The following NDST3 variants were observed in gnomAD, a reference collection of about 807,000 sequenced individuals.
The protein encoded by NDST3 is N-deacetylase and N-sulfotransferase 3.
A neutral mutation model predicts 96.1 loss-of-function variants in NDST3; 58 were observed. The observed-to-expected ratio is 0.60, with a 90% CI of 0.49 to 0.75. The LOEUF (loss-of-function observed/expected upper bound fraction) is 0.75, where lower values mean the gene tolerates loss of function less well. Among genes scored for constraint, NDST3 ranks in the 30% least tolerant of loss-of-function variants. The probability of loss-of-function intolerance (pLI) is 0.00; values close to 1 mark genes in which losing one functional copy is unlikely to be tolerated. For synonymous variants in NDST3, 333 were observed against 359.7 expected (o/e 0.93, Z 0.84); for missense variants, 788 against 1,034.2 (o/e 0.76, Z 3.27).
At position 118,224,756 on chromosome 4, in the gene NDST3, G is replaced by C. The variant is rs547775890; in HGVS notation, c.1722+83G>C. 27 of 1,262,404 alleles carry C rather than the reference G, an allele frequency of 2.1e-5. No individual in the cohort carries two copies. The Admixed American group carries it at 3.3e-4, about 15-fold the overall frequency. The allele number at this position is 1,262,404 out of a possible 1,614,324, so 78.2% of individuals were successfully genotyped here. On this transcript the variant is annotated intron_variant, in intron 7 of 13. Coordinates refer to ENST00000296499, the MANE Select transcript of NDST3 (RefSeq NM_004784.3). The stretch of plus-strand genomic sequence containing the variant: ...GATATCCCAAATTTGAAAAGTGAAG[G>C]CACCTGAAAAAACCTGCATTTTGGA...
intron 6 of NDST3, among the ~76,000 whole-genome samples, chr4:118,190,637 C>T (rs1221303400): frequency 6.6e-6 from 1 of 152,110 alleles, no homozygotes; most frequent in African/African-American, 2.4e-5. Flanking sequence ...GAAGACTATA[C>T]CTGGAGAATC....
chr4:118,189,154 A>C (rs1200754797), intron 6 of NDST3, among the ~76,000 whole-genome samples: 1 of 151,976 alleles, frequency 6.6e-6, no homozygotes, highest in African/African-American at 2.4e-5. Context: ...GGCTCAAGTG[A>C]CCCTCCCACC....
chr4:118,186,192 G>A (rs1004460662), intron 6 of NDST3, among the ~76,000 whole-genome samples: 1 of 152,100 alleles, frequency 6.6e-6, no homozygotes, highest in Non-Finnish European at 1.5e-5. Flanking sequence ...TTTAGCATGA[G>A]TGACTCCATT....
intron 6 of NDST3, among the ~76,000 whole-genome samples, chr4:118,211,456 A>T (rs1286001225): frequency 6.6e-6 from 1 of 152,012 alleles, no homozygotes. Context: ...AATGAAATAA[A>T]AAGATTTTTA....
chr4:118,193,684 C>G (rs1159471587), intron 6 of NDST3: 2 of 1,328,562 alleles, frequency 1.5e-6, no homozygotes. Context: ...CAAAGTCATT[C>G]ACAGCCAGGT....
chr4:118,213,075 C>T (rs894744176), intron 6 of NDST3, among the ~76,000 whole-genome samples: 2 of 152,142 alleles, frequency 1.3e-5, no homozygotes, highest in African/African-American at 4.8e-5. Flanking sequence ...TTTTCATCTG[C>T]AGTTCATTAT....
chr4:118,221,992 T>C (rs1478956408), intron 6 of NDST3, among the ~76,000 whole-genome samples: 2 of 141,972 alleles, frequency 1.4e-5, no homozygotes, highest in African/African-American at 5.2e-5. Context: ...ATTTTCCATC[T>C]AAAAAAAAAA....
chr4:118,118,604 G>T (rs978573163), intron 4 of NDST3, among the ~76,000 whole-genome samples: 1 of 152,042 alleles, frequency 6.6e-6, no homozygotes, highest in East Asian at 1.9e-4. Flanking sequence ...TATTATGAAA[G>T]GTCAAGTAAA....
In NDST3 at chr4:118,071,049, T is replaced by A. The variant is rs946760827; in HGVS notation, c.981+16158T>A. 2.6e-5 allele frequency among the ~76,000 whole-genome samples: 4 copies of A among 152,186 alleles called. No homozygotes were observed. In the East Asian group the frequency reaches 7.7e-4, roughly 29 times the overall value. On this transcript the variant is annotated intron_variant, in intron 2 of 13. Coordinates refer to ENST00000296499, the MANE Select transcript of NDST3 (RefSeq NM_004784.3). ...TTCATCCATGTCCCTAGAAAGGACATGAACTTATCCTTTTTTATGGCTGCA... is the reference window on the plus strand; with the variant it reads ...TTCATCCATGTCCCTAGAAAGGACAAGAACTTATCCTTTTTTATGGCTGCA...
At chr4:118,154,225 T>C (rs1030340633) in intron 6 of NDST3, among the ~76,000 whole-genome samples, 1 of 152,204 alleles carries the variant, frequency 6.6e-6, no homozygotes, top group African/African-American at 2.4e-5. Flanking sequence ...AATTGTTCTG[T>C]ATCTGTAAGT....
At chr4:118,052,484 C>T (rs1328357615) in intron 1 of NDST3, among the ~76,000 whole-genome samples, 1 of 151,922 alleles carries the variant, frequency 6.6e-6, no homozygotes, top group Non-Finnish European at 1.5e-5. Flanking sequence ...ATGTCAGCAT[C>T]CCACAGTATC....
intron 2 of NDST3, among the ~76,000 whole-genome samples, chr4:118,073,603 T>C (rs940077248): frequency 9.9e-5 from 15 of 152,046 alleles, no homozygotes; most frequent in African/African-American, 3.6e-4. Flanking sequence ...CTTATTCGGA[T>C]CTTCTCTCTT....
intron 4 of NDST3, among the ~76,000 whole-genome samples, chr4:118,134,379 A>G (rs888834302): frequency 5.9e-5 from 9 of 152,242 alleles, no homozygotes; most frequent in Non-Finnish European, 1.2e-4. Context: ...TCACATAATC[A>G]TATTTGTATC....
intron 6 of NDST3, among the ~76,000 whole-genome samples, chr4:118,196,473 T>C (rs1737696102): frequency 6.6e-6 from 1 of 152,188 alleles, no homozygotes; most frequent in African/African-American, 2.4e-5. Flanking sequence ...AGTCATTGGG[T>C]CCTGGGCTTT....
chr4:118,100,673 T>C (rs1189469259), intron 2 of NDST3, among the ~76,000 whole-genome samples: 1 of 152,142 alleles, frequency 6.6e-6, no homozygotes, highest in Non-Finnish European at 1.5e-5. Flanking sequence ...AGGGTTCATG[T>C]TGTATTCTTG....
intron 11 of NDST3, among the ~76,000 whole-genome samples, chr4:118,241,772 A>T (rs1489464233): frequency 2.0e-5 from 3 of 151,740 alleles, no homozygotes; most frequent in African/African-American, 7.2e-5. Flanking sequence ...TTTTCTAGTC[A>T]CTTTTCTAAG....
chr4:118,050,286 G>A (rs1173269877), intron 1 of NDST3, among the ~76,000 whole-genome samples: 4 of 152,088 alleles, frequency 2.6e-5, no homozygotes, highest in East Asian at 1.9e-4. Flanking sequence ...TACTGAACAG[G>A]CAAAAGCTGG....
intron 6 of NDST3, among the ~76,000 whole-genome samples, chr4:118,158,722 T>C (rs1734877032): frequency 6.6e-6 from 1 of 152,162 alleles, no homozygotes; most frequent in African/African-American, 2.4e-5. Flanking sequence ...ACCCAAGTGA[T>C]CAGACTTAAC....
chr4:118,207,060 T>A (rs1738479881), intron 6 of NDST3, among the ~76,000 whole-genome samples: 1 of 142,790 alleles, frequency 7.0e-6, no homozygotes, highest in Non-Finnish European at 1.5e-5. Flanking sequence ...CTCTAAGATG[T>A]ATTAAATTTT....
Sources: allele counts gnomAD v4.1 joint callset (sites outside exome capture counted in the v4.1 genomes callset), GRCh38; gene constraint gnomAD v4.1.1; transcripts MANE v1.5; gene names NCBI Gene and HGNC (gene_info 2026-07-23, HGNC 2026-07-21).